The following FBXO34 variants were observed in gnomAD, a reference collection of about 807,000 sequenced individuals.
The protein encoded by FBXO34 is F-box only protein 34.
FBXO34 carries 12 observed loss-of-function variants against 24.5 expected under a neutral mutation model. The observed-to-expected ratio is 0.49, with a 90% CI of 0.31 to 0.79. FBXO34 has a LOEUF of 0.79. FBXO34 is among the 30% of genes least tolerant of loss of function. The pLI is 0.04. For synonymous variants in FBXO34, 320 were observed against 311.9 expected (o/e 1.03, Z -0.27); for missense variants, 823 against 857.7 (o/e 0.96, Z 0.51).
chr14:55,282,023 A>T (rs1391567510), intron 1 of FBXO34, among the ~76,000 whole-genome samples: 16 of 73,956 alleles, frequency 2.2e-4, no homozygotes, highest in African/African-American at 8.3e-4. Flanking sequence ...TTTGATACAG[A>T]GTCTTATTCT....
chr14:55,377,780 A>C, the FBXO34 span: 2 of 1,450,456 alleles, frequency 1.4e-6, no homozygotes, highest in Non-Finnish European at 1.9e-6. Context: ...AACAGGATTC[A>C]CAAAAACACT....
chr14:55,285,974 T>G (rs1881748102), intron 1 of FBXO34, among the ~76,000 whole-genome samples: 1 of 152,222 alleles, frequency 6.6e-6, no homozygotes, highest in Non-Finnish European at 1.5e-5. Flanking sequence ...CCTCTATCTT[T>G]AGATGTTCAG....
intron 1 of FBXO34, among the ~76,000 whole-genome samples, chr14:55,294,947 A>T (rs1426098397): frequency 1.3e-5 from 2 of 152,236 alleles, no homozygotes; most frequent in Admixed American, 6.5e-5. Flanking sequence ...AGCCTAGCCT[A>T]CCTTAAACAT....
the FBXO34 span, chr14:55,411,733 C>A: frequency 6.2e-7 from 1 of 1,611,470 alleles, no homozygotes; most frequent in Non-Finnish European, 8.5e-7. Flanking sequence ...CCGCATCGTC[C>A]ACGGAGTCCA....
At chr14:55,277,563 A>C (rs751454463) in intron 1 of FBXO34, among the ~76,000 whole-genome samples, 2 of 152,084 alleles carry the variant, frequency 1.3e-5, no homozygotes, top group African/African-American at 2.4e-5. Context: ...CAAAGGCCCA[A>C]TTATAGTGTA....
At position 55,352,220 on chromosome 14, in the gene FBXO34, G is replaced by A. The variant is rs1884413294; in HGVS notation, c.1830G>A (p.Glu610=). ...CTCCYFKFII[E]YYNIRPADSR... ...GCTGCTATTTCAAGTTTATCATTGA[G>A]TACTACAATATCAGGCCAGCAGATT... The change falls in exon 2 of 2, where the codon GAG becomes GAA. Residue 610 remains glutamate (E), a synonymous_variant. Coordinates refer to ENST00000313833, the MANE Select transcript of FBXO34 (RefSeq NM_017943.4). The A allele has an allele frequency of 3.1e-6, 5 of 1,614,086 alleles. No homozygotes were observed. Among genetic ancestry groups the A allele is most frequent in the Non-Finnish European group, 4.2e-6 (5 of 1,180,012 alleles).
chr14:55,395,459 T>TC, the FBXO34 span, among the ~76,000 whole-genome samples: 3 of 152,224 alleles, frequency 2.0e-5, no homozygotes, highest in African/African-American at 7.2e-5. Flanking sequence ...TTCAAGTGAT[T>TC]CTCCTGCCTC....
In FBXO34 at chr14:55,352,122, C is replaced by T. The variant is rs1294031377; in HGVS notation, c.1732C>T (p.Leu578=). Residue 578 remains leucine, a synonymous_variant, in exon 2 of 2, where the codon CTG becomes TTG. Transcript: ENST00000313833. ...LLEPQQYMAF[L]PHHIMVKIFR... is the part of the protein sequence containing the mutation. ...GGAGCCTCAGCAGTACATGGCTTTT[C>T]TGCCCCACCACATTATGGTAAAAAT... 1 of 1,614,174 alleles carries T rather than the reference C, an allele frequency of 6.2e-7. No homozygotes were observed. The highest frequency in any genetic ancestry group is 8.5e-7 in the Non-Finnish European group (1 of 1,180,020).
chr14:55,401,264 G>GTT, the FBXO34 span, among the ~76,000 whole-genome samples: 33 of 148,662 alleles, frequency 2.2e-4, no homozygotes, highest in African/African-American at 7.6e-4. Context: ...ATTTTTTATA[G>GTT]TTTTTTTTTT....
chr14:55,397,681 C>T, the FBXO34 span, among the ~76,000 whole-genome samples: 5 of 152,158 alleles, frequency 3.3e-5, no homozygotes, highest in African/African-American at 9.7e-5. Context: ...AGATATCTTC[C>T]GCCCAGATTA....
At chr14:55,379,955 A>G in the FBXO34 span, among the ~76,000 whole-genome samples, 9 of 152,222 alleles carry the variant, frequency 5.9e-5, no homozygotes, top group Admixed American at 1.3e-4. Flanking sequence ...ACAACAAACA[A>G]AAAGAATTCA....
chr14:55,318,877 C>G (rs1022843208), intron 1 of FBXO34, among the ~76,000 whole-genome samples: 3 of 152,010 alleles, frequency 2.0e-5, no homozygotes, highest in Non-Finnish European at 4.4e-5. Context: ...CTCTGTTATC[C>G]AAGACTGGAA....
At chr14:55,304,212 A>C (rs758402090) in intron 1 of FBXO34, among the ~76,000 whole-genome samples, 82 of 152,324 alleles carry the variant, frequency 5.4e-4, no homozygotes, top group Non-Finnish European at 5.7e-4. Context: ...AAAAACAGTA[A>C]AAACTCTACC....
At chr14:55,317,602 C>T (rs1283856022) in intron 1 of FBXO34, among the ~76,000 whole-genome samples, 4 of 152,228 alleles carry the variant, frequency 2.6e-5, no homozygotes, top group African/African-American at 9.6e-5. Context: ...TGGTGAAATA[C>T]TGTATAGTAA....
chr14:55,344,131 A>G (rs1321054410), intron 1 of FBXO34, among the ~76,000 whole-genome samples: 1 of 152,160 alleles, frequency 6.6e-6, no homozygotes, highest in East Asian at 1.9e-4. Context: ...TGTCCTTCAT[A>G]GCCAAGCTTA....
chr14:55,309,318 A>G (rs948662101), intron 1 of FBXO34, among the ~76,000 whole-genome samples: 1 of 152,052 alleles, frequency 6.6e-6, no homozygotes, highest in Non-Finnish European at 1.5e-5. Flanking sequence ...CGGTGTGTGG[A>G]TGGGGGAGAT....
At chr14:55,344,955 CATATTT>C (rs1269122561) in intron 1 of FBXO34, among the ~76,000 whole-genome samples, 12 of 152,150 alleles carry the variant, frequency 7.9e-5, no homozygotes, top group African/African-American at 2.9e-4. Context: ...ATGTTTTACT[CATATTT>C]ATACCAGTGT....
At chr14:55,431,758 A>G in the FBXO34 span, among the ~76,000 whole-genome samples, 5 of 152,254 alleles carry the variant, frequency 3.3e-5, no homozygotes, top group Admixed American at 6.5e-5. Flanking sequence ...AAAAATAATT[A>G]TCTTACATTG....
chr14:55,386,864 T>TG, the FBXO34 span, among the ~76,000 whole-genome samples: 1 of 152,212 alleles, frequency 6.6e-6, no homozygotes, highest in Non-Finnish European at 1.5e-5. Flanking sequence ...CAGACAGATA[T>TG]CTAGGAGTTG....
Sources: allele counts gnomAD v4.1 joint callset (sites outside exome capture counted in the v4.1 genomes callset), GRCh38; gene constraint gnomAD v4.1.1; transcripts MANE v1.5; gene names NCBI Gene and HGNC (gene_info 2026-07-23, HGNC 2026-07-21).